ARB2A: variants seen among roughly 807,000 people sequenced by gnomAD.
ARB2A encodes cotranscriptional regulator ARB2A.
chr5:94,084,795 C>A, the ARB2A span, among the ~76,000 whole-genome samples: 3 of 152,086 alleles, frequency 2.0e-5, no homozygotes, highest in Non-Finnish European at 4.4e-5. Flanking sequence ...TTGGAAAAAA[C>A]TGGTTAACTG....
chr5:93,927,397 C>T, the ARB2A span, among the ~76,000 whole-genome samples: 1 of 152,114 alleles, frequency 6.6e-6, no homozygotes, highest in Non-Finnish European at 1.5e-5. Flanking sequence ...ATAGGGATGA[C>T]CCATGTGATT....
chr5:93,981,662 TA>T, the ARB2A span, among the ~76,000 whole-genome samples: 1 of 151,762 alleles, frequency 6.6e-6, no homozygotes, highest in African/African-American at 2.4e-5. Context: ...TAAACAATAA[TA>T]AAATATTTAA....
the ARB2A span, chr5:93,734,472 C>CA: frequency 6.6e-6 from 1 of 152,118 alleles, no homozygotes; most frequent in African/African-American, 2.4e-5. Context: ...AGGCTATGAA[C>CA]CATCTTTAAA....
the ARB2A span, among the ~76,000 whole-genome samples, chr5:93,722,433 G>A: frequency 3.9e-5 from 6 of 151,970 alleles, no homozygotes; most frequent in Non-Finnish European, 7.4e-5. Flanking sequence ...TCATAATAAT[G>A]ACAGCCTGAG....
chr5:93,963,667 A>G, the ARB2A span, among the ~76,000 whole-genome samples: 5 of 152,012 alleles, frequency 3.3e-5, no homozygotes, highest in Non-Finnish European at 5.9e-5. Context: ...AATTATCTAT[A>G]TGCAAAGTGT....
the ARB2A span, among the ~76,000 whole-genome samples, chr5:93,885,319 T>C: frequency 7.9e-5 from 12 of 151,590 alleles, no homozygotes; most frequent in Admixed American, 2.0e-4. Flanking sequence ...GAAGGCTCCA[T>C]AACTTATGCT....
At chr5:93,903,916 C>A in the ARB2A span, among the ~76,000 whole-genome samples, 1 of 151,936 alleles carries the variant, frequency 6.6e-6, no homozygotes, top group Non-Finnish European at 1.5e-5. Context: ...GAATATTTAA[C>A]AGTTTCCTTT....
chr5:93,729,537 C>T, the ARB2A span, among the ~76,000 whole-genome samples: 35 of 152,034 alleles, frequency 2.3e-4, no homozygotes, highest in African/African-American at 8.4e-4. Context: ...CTTGTTGTGT[C>T]CTGGAGTATT....
the ARB2A span, chr5:93,741,288 C>A: frequency 6.2e-7 from 1 of 1,613,760 alleles, no homozygotes; most frequent in Admixed American, 1.7e-5. Context: ...AGGGGCGTCG[C>A]AACCAGTCCC....
chr5:93,674,479 G>A, the ARB2A span, among the ~76,000 whole-genome samples: 3 of 152,142 alleles, frequency 2.0e-5, no homozygotes, highest in African/African-American at 7.2e-5. Flanking sequence ...ATATGCTCTC[G>A]ATCTCACTTA....
chr5:93,727,674 C>T, the ARB2A span, among the ~76,000 whole-genome samples: 1 of 151,956 alleles, frequency 6.6e-6, no homozygotes, highest in South Asian at 2.1e-4. Context: ...GCAGACCTCT[C>T]AAAATTATTC....
At chr5:93,689,477 C>T in the ARB2A span, among the ~76,000 whole-genome samples, 1 of 152,174 alleles carries the variant, frequency 6.6e-6, no homozygotes, top group Non-Finnish European at 1.5e-5. Context: ...AGTTAGTTTC[C>T]CATACTGCTA....
chr5:93,957,343 G>C, the ARB2A span, among the ~76,000 whole-genome samples: 1 of 152,022 alleles, frequency 6.6e-6, no homozygotes, highest in Non-Finnish European at 1.5e-5. Flanking sequence ...TCTTTACTAA[G>C]TTATATTTTC....
chr5:93,982,042 A>G, the ARB2A span, among the ~76,000 whole-genome samples: 1 of 152,168 alleles, frequency 6.6e-6, no homozygotes, highest in Non-Finnish European at 1.5e-5. Flanking sequence ...GTAATTCAGC[A>G]TCCATTTCAT....
At chr5:93,808,036 C>G in the ARB2A span, among the ~76,000 whole-genome samples, 1 of 151,898 alleles carries the variant, frequency 6.6e-6, no homozygotes, top group Non-Finnish European at 1.5e-5. Flanking sequence ...AAAACCTTGC[C>G]CAGGGCCTTA....
At chr5:93,717,104 C>T in the ARB2A span, among the ~76,000 whole-genome samples, 1 of 151,814 alleles carries the variant, frequency 6.6e-6, no homozygotes, top group Non-Finnish European at 1.5e-5. Flanking sequence ...TTTCTAATTT[C>T]TCTTTTCATA....
the ARB2A span, among the ~76,000 whole-genome samples, chr5:93,793,120 T>C: frequency 6.6e-6 from 1 of 151,914 alleles, no homozygotes. Context: ...TCACCCAAGC[T>C]GAAGTGCAGT....
the ARB2A span, among the ~76,000 whole-genome samples, chr5:94,087,053 A>G: frequency 6.6e-6 from 1 of 152,174 alleles, no homozygotes. Context: ...GTAGAAGTAG[A>G]AGACAGTGTT....
chr5:93,852,284 C>G, the ARB2A span, among the ~76,000 whole-genome samples: 4 of 152,034 alleles, frequency 2.6e-5, no homozygotes, highest in Non-Finnish European at 5.9e-5. Context: ...ATCCTTTGCC[C>G]ACTTTTTGAT....
Sources: allele counts gnomAD v4.1 joint callset (sites outside exome capture counted in the v4.1 genomes callset), GRCh38; gene constraint gnomAD v4.1.1; transcripts MANE v1.5; gene names NCBI Gene and HGNC (gene_info 2026-07-23, HGNC 2026-07-21).